The following SYNDIG1 variants were observed in gnomAD, a reference collection of about 807,000 sequenced individuals.
The protein encoded by SYNDIG1 is synapse differentiation-inducing gene protein 1.
In SYNDIG1, 9 loss-of-function variants were observed where a neutral mutation model predicts 19.4. That is an observed-to-expected ratio of 0.46 (90% CI 0.28 to 0.81). The LOEUF is 0.81. Among genes scored for constraint, SYNDIG1 ranks in the 30% least tolerant of loss-of-function variants. The pLI, the probability that SYNDIG1 is intolerant of heterozygous loss-of-function variation, is 0.12. For missense variants in SYNDIG1, 311 were observed against 343.3 expected, an observed-to-expected ratio of 0.91 and a Z score of 0.74; for synonymous variants, 141 against 145.9, an observed-to-expected ratio of 0.97 and a Z score of 0.24.
At chr20:24,620,169 C>T (rs190062138) in intron 3 of SYNDIG1, among the ~76,000 whole-genome samples, 17 of 152,304 alleles carry the variant, frequency 1.1e-4, no homozygotes, top group Non-Finnish European at 2.4e-4. Flanking sequence ...TTCTGATAAA[C>T]CTCAAAATTG....
chr20:24,639,196 G>A (rs2059347538), intron 3 of SYNDIG1, among the ~76,000 whole-genome samples: 1 of 152,220 alleles, frequency 6.6e-6, no homozygotes, highest in African/African-American at 2.4e-5. Context: ...GTAAGACGCA[G>A]GCAGGGAGAA....
chr20:24,544,817 A>G (rs1458456286), intron 2 of SYNDIG1, among the ~76,000 whole-genome samples: 1 of 152,186 alleles, frequency 6.6e-6, no homozygotes, highest in Non-Finnish European at 1.5e-5. Context: ...TGCCCATTCT[A>G]GAAAAGACTC....
intron 3 of SYNDIG1, among the ~76,000 whole-genome samples, chr20:24,603,640 T>C (rs2058711408): frequency 6.6e-6 from 1 of 152,120 alleles, no homozygotes; most frequent in East Asian, 1.9e-4. Flanking sequence ...GCAGGGTCTG[T>C]CCACTAACAG....
rs1013110335 is a variant in SYNDIG1 at position 24,543,361 on chromosome 20, G to A, written c.264G>A (p.Arg88=). 6.2e-7 allele frequency: 1 copy of A among 1,613,612 alleles called. No individual in the cohort carries two copies. Among genetic ancestry groups the A allele is most frequent in the East Asian group, 2.2e-5 (1 of 44,876 alleles). ...TLQQSVESRY[R]PNIILYSEGV... ...AGCAGTCAGTGGAGTCCCGCTACCGGCCCAACATCATCCTCTATTCAGAGG... is the reference window on the plus strand; with the variant it reads ...AGCAGTCAGTGGAGTCCCGCTACCGACCCAACATCATCCTCTATTCAGAGG... Residue 88 remains arginine, a synonymous_variant, in exon 2 of 4, where the codon CGG becomes CGA. Transcript: ENST00000376862.
chr20:24,640,505 GGAAGGAAGGAAGGAAGGAAGGAA>G (rs2059364887), intron 3 of SYNDIG1, among the ~76,000 whole-genome samples: 1 of 143,568 alleles, frequency 7.0e-6, no homozygotes, highest in East Asian at 2.0e-4. Context: ...AAGGAAGGAA[GGAAGGAAGGAAGGAAGGAAGGAA>G]GGAGCTTTTC....
intron 1 of SYNDIG1, among the ~76,000 whole-genome samples, chr20:24,472,774 T>A (rs2055506439): frequency 6.6e-6 from 1 of 152,228 alleles, no homozygotes; most frequent in African/African-American, 2.4e-5. Context: ...CCCCTCCCAT[T>A]CTGCACACCT....
intron 3 of SYNDIG1, among the ~76,000 whole-genome samples, chr20:24,641,240 T>C (rs942590953): frequency 3.9e-5 from 6 of 152,184 alleles, no homozygotes; most frequent in Admixed American, 3.3e-4. Context: ...TTAGGAGAAC[T>C]TACTATGAAA....
chr20:24,661,914 G>A (rs1277649137), intron 3 of SYNDIG1, among the ~76,000 whole-genome samples: 1 of 152,156 alleles, frequency 6.6e-6, no homozygotes, highest in Non-Finnish European at 1.5e-5. Context: ...TTCCACCAGA[G>A]AGAATTGCTG....
chr20:24,643,689 A>T (rs567842266), intron 3 of SYNDIG1, among the ~76,000 whole-genome samples: 9 of 152,324 alleles, frequency 5.9e-5, no homozygotes, highest in African/African-American at 2.2e-4. Flanking sequence ...TGACTTCCTA[A>T]TCAATTTTTT....
chr20:24,522,775 C>T (rs1358670705), intron 1 of SYNDIG1, among the ~76,000 whole-genome samples: 1 of 152,162 alleles, frequency 6.6e-6, no homozygotes, highest in East Asian at 1.9e-4. Flanking sequence ...ATCTACTTGG[C>T]TTCTGGGGAA....
chr20:24,630,705 C>G (rs1452403434), intron 3 of SYNDIG1, among the ~76,000 whole-genome samples: 3 of 152,222 alleles, frequency 2.0e-5, no homozygotes, highest in Non-Finnish European at 4.4e-5. Flanking sequence ...CATGCTGCAT[C>G]CTCAGAACTT....
chr20:24,531,565 T>C (rs1386069795), intron 1 of SYNDIG1, among the ~76,000 whole-genome samples: 1 of 152,176 alleles, frequency 6.6e-6, no homozygotes, highest in African/African-American at 2.4e-5. Flanking sequence ...TCCCAAAACA[T>C]TCACTGGATT....
intron 1 of SYNDIG1, among the ~76,000 whole-genome samples, chr20:24,494,637 C>T (rs1331965995): frequency 1.3e-5 from 2 of 152,058 alleles, no homozygotes; most frequent in African/African-American, 4.8e-5. Flanking sequence ...TGCATGTGGC[C>T]GGGAGGGTGG....
intron 1 of SYNDIG1, among the ~76,000 whole-genome samples, chr20:24,521,994 A>C (rs1044413880): frequency 6.6e-6 from 1 of 151,820 alleles, no homozygotes. Flanking sequence ...ATTTGCCCAG[A>C]CACTTCTCAG....
chr20:24,660,619 C>G (rs1389511871), intron 3 of SYNDIG1, among the ~76,000 whole-genome samples: 1 of 152,244 alleles, frequency 6.6e-6, no homozygotes, highest in Non-Finnish European at 1.5e-5. Context: ...CCACCCCAAA[C>G]TCACATTGTC....
chr20:24,579,178 G>A (rs1181638978), intron 2 of SYNDIG1, among the ~76,000 whole-genome samples: 1 of 152,306 alleles, frequency 6.6e-6, no homozygotes, highest in African/African-American at 2.4e-5. Context: ...GGCCTGGCCC[G>A]GGTGCTCCGT....
At chr20:24,647,284 G>A (rs1022706925) in intron 3 of SYNDIG1, among the ~76,000 whole-genome samples, 1 of 152,198 alleles carries the variant, frequency 6.6e-6, no homozygotes, top group Non-Finnish European at 1.5e-5. Flanking sequence ...AGGCAGGGCA[G>A]GGTACATGGC....
At chr20:24,555,790 G>A (rs1407483616) in intron 2 of SYNDIG1, among the ~76,000 whole-genome samples, 1 of 152,140 alleles carries the variant, frequency 6.6e-6, no homozygotes, top group Non-Finnish European at 1.5e-5. Context: ...TGTTGATTTG[G>A]GGTGGAGAGT....
chr20:24,582,473 C>A (rs1290802801), intron 2 of SYNDIG1, among the ~76,000 whole-genome samples: 1 of 145,538 alleles, frequency 6.9e-6, no homozygotes, highest in South Asian at 2.3e-4. Flanking sequence ...CACGTGCTTC[C>A]CCCTGCATGT....
Sources: gnomAD v4.1 joint callset for allele counts (sites outside exome capture counted in the v4.1 genomes callset) on GRCh38, gnomAD v4.1.1 for gene constraint, MANE v1.5 for transcripts, NCBI Gene and HGNC (gene_info 2026-07-23, HGNC 2026-07-21) for gene names.